Variants in PRKAR2A observed in about 807,000 individuals in gnomAD.
PRKAR2A encodes the protein cAMP-dependent protein kinase type II-alpha regulatory subunit.
In PRKAR2A, 29 loss-of-function variants were observed where a neutral mutation model predicts 51.9. The ratio of observed to expected loss-of-function variants is 0.56; its 90% CI spans 0.42 to 0.76. The LOEUF (loss-of-function observed/expected upper bound fraction) is 0.76, where lower values mean the gene tolerates loss of function less well. Among genes scored for constraint, PRKAR2A ranks in the 30% least tolerant of loss-of-function variants. PRKAR2A has a pLI of 0.00. For synonymous variants in PRKAR2A, 178 were observed against 186.2 expected (o/e 0.96, Z 0.36); for missense variants, 445 against 512.1 (o/e 0.87, Z 1.26).
At chr3:48,794,155 T>TA (rs2082449518) in intron 2 of PRKAR2A, 106 bp from the exon 3 acceptor site, 1 of 237,012 alleles carries the variant, frequency 4.2e-6, no homozygotes, top group Non-Finnish European at 7.2e-6. Context: ...TTTTCTTTTC[T>TA]TTTTTTTTTT....
chr3:48,836,280 G>T (rs915692698), intron 1 of PRKAR2A, among the ~76,000 whole-genome samples: 2 of 151,266 alleles, frequency 1.3e-5, no homozygotes, highest in Non-Finnish European at 1.5e-5. Flanking sequence ...TTAGCCAGGC[G>T]TGGTGACGGG....
At chr3:48,779,958 G>C (rs1271606468) in intron 5 of PRKAR2A, among the ~76,000 whole-genome samples, 1 of 150,862 alleles carries the variant, frequency 6.6e-6, no homozygotes, top group Non-Finnish European at 1.5e-5. Flanking sequence ...TCAAGAGATC[G>C]AGACCATCAG....
intron 1 of PRKAR2A, among the ~76,000 whole-genome samples, chr3:48,828,797 G>C (rs747408643): frequency 1.3e-5 from 2 of 149,980 alleles, no homozygotes; most frequent in East Asian, 3.9e-4. Flanking sequence ...ACCAGGTGCA[G>C]TGGTTCATGC....
At chr3:48,756,011 A>G (rs1213683754) in intron 9 of PRKAR2A, among the ~76,000 whole-genome samples, 1 of 150,964 alleles carries the variant, frequency 6.6e-6, no homozygotes, top group Admixed American at 6.6e-5. Context: ...CAATCTCCTG[A>G]TCTTGTGATC....
At chr3:48,764,622 G>T (rs191721108) in intron 8 of PRKAR2A, among the ~76,000 whole-genome samples, 4 of 152,106 alleles carry the variant, frequency 2.6e-5, no homozygotes, top group Admixed American at 2.0e-4. Flanking sequence ...GGAGAACATA[G>T]AAGGTTTTTT....
intron 1 of PRKAR2A, among the ~76,000 whole-genome samples, chr3:48,833,762 G>A (rs1349128282): frequency 6.0e-5 from 9 of 149,882 alleles, no homozygotes; most frequent in South Asian, 4.2e-4. Context: ...CCGGCCAGGC[G>A]CAGTGGCTCA....
intron 5 of PRKAR2A, among the ~76,000 whole-genome samples, chr3:48,778,776 C>A (rs564924499): frequency 1.6e-4 from 24 of 151,440 alleles, no homozygotes; most frequent in Non-Finnish European, 2.5e-4. Context: ...CCTCAGCCTC[C>A]CAAAGCGCTG....
intron 1 of PRKAR2A, among the ~76,000 whole-genome samples, chr3:48,807,903 T>C (rs2082697760): frequency 6.6e-6 from 1 of 152,228 alleles, no homozygotes; most frequent in Admixed American, 6.5e-5. Flanking sequence ...AAACTATACC[T>C]TCAATATATT....
At chr3:48,830,055 T>G (rs1195183859) in intron 1 of PRKAR2A, among the ~76,000 whole-genome samples, 3 of 150,448 alleles carry the variant, frequency 2.0e-5, no homozygotes, top group African/African-American at 7.3e-5. Flanking sequence ...AAAAAAAAAT[T>G]AGCCGGGCAT....
chr3:48,814,560 T>G (rs1281361265), intron 1 of PRKAR2A, among the ~76,000 whole-genome samples: 1 of 152,238 alleles, frequency 6.6e-6, no homozygotes, highest in Non-Finnish European at 1.5e-5. Flanking sequence ...AGAAAAATAT[T>G]TTTTGAATCT....
At chr3:48,785,701 A>T (rs1217920251) in intron 4 of PRKAR2A, among the ~76,000 whole-genome samples, 4 of 152,122 alleles carry the variant, frequency 2.6e-5, no homozygotes, top group African/African-American at 9.7e-5. Flanking sequence ...CTAGCCAGAA[A>T]ATATTCTTGT....
chr3:48,829,763 T>C (rs2083147794), intron 1 of PRKAR2A, among the ~76,000 whole-genome samples: 1 of 138,468 alleles, frequency 7.2e-6, no homozygotes, highest in Non-Finnish European at 1.6e-5. Flanking sequence ...TTTATATACA[T>C]ACGTATATAT....
chr3:48,819,231 G>A (rs921655485), intron 1 of PRKAR2A, among the ~76,000 whole-genome samples: 15 of 152,162 alleles, frequency 9.9e-5, no homozygotes, highest in Non-Finnish European at 2.2e-4. Context: ...GGCCAGGCTG[G>A]TTTCGAACTC....
chr3:48,775,302 G>C (rs2082089946), intron 5 of PRKAR2A, among the ~76,000 whole-genome samples: 1 of 151,764 alleles, frequency 6.6e-6, no homozygotes, highest in Non-Finnish European at 1.5e-5. Context: ...AGCTGGGCGG[G>C]TAGCGGGTGC....
intron 1 of PRKAR2A, among the ~76,000 whole-genome samples, chr3:48,843,323 T>G (rs1324018751): frequency 6.6e-6 from 1 of 152,224 alleles, no homozygotes; most frequent in African/African-American, 2.4e-5. Context: ...GTCTTGCTAG[T>G]GGTCTATCAA....
chr3:48,797,261 C>G (rs1406840826), intron 2 of PRKAR2A, among the ~76,000 whole-genome samples: 1 of 152,022 alleles, frequency 6.6e-6, no homozygotes, highest in Non-Finnish European at 1.5e-5. Flanking sequence ...CTCTGCCTCC[C>G]AGGTTCAAGT....
At chr3:48,780,346 G>A (rs1369308440) in intron 5 of PRKAR2A, among the ~76,000 whole-genome samples, 1 of 152,038 alleles carries the variant, frequency 6.6e-6, no homozygotes, top group African/African-American at 2.4e-5. Context: ...GCTCACGCCT[G>A]TAATCCCAGC....
At chr3:48,824,304 G>A (rs1316210968) in intron 1 of PRKAR2A, among the ~76,000 whole-genome samples, 6 of 151,844 alleles carry the variant, frequency 4.0e-5, no homozygotes, top group Middle Eastern at 3.4e-3. Flanking sequence ...AGCTACTTGG[G>A]GAATCACTTA....
At chr3:48,801,486 A>G (rs1470839873) in intron 2 of PRKAR2A, among the ~76,000 whole-genome samples, 2 of 152,084 alleles carry the variant, frequency 1.3e-5, no homozygotes. Flanking sequence ...ACAGGGTTTC[A>G]CAATGTTGGC....
Sources: allele counts gnomAD v4.1 joint callset (sites outside exome capture counted in the v4.1 genomes callset), GRCh38; gene constraint gnomAD v4.1.1; transcripts MANE v1.5; gene names NCBI Gene and HGNC (gene_info 2026-07-23, HGNC 2026-07-21).